Variants in CBR4 observed in about 807,000 individuals in gnomAD.
CBR4 encodes the protein 3-oxoacyl-[acyl-carrier-protein] reductase.
Under a neutral mutation model 21.0 loss-of-function variants are expected in CBR4, and 22 were observed. The ratio of observed to expected loss-of-function variants is 1.05; its 90% CI spans 0.75 to 1.50. CBR4 has a LOEUF of 1.50. Ranked by LOEUF, CBR4 falls within the 40% of genes most tolerant of loss-of-function variation. The pLI is 0.00. For missense variants in CBR4, 302 were observed against 286.3 expected (o/e 1.05, Z -0.40); for synonymous variants, 100 against 104.4 (o/e 0.96, Z 0.26).
chr4:168,900,056 G>C (rs115012634), intron 2 of CBR4, among the ~76,000 whole-genome samples: 28 of 152,320 alleles, frequency 1.8e-4, no homozygotes, highest in African/African-American at 6.7e-4. Context: ...CGAAAAAGGT[G>C]AATCACACAG....
intron 2 of CBR4, chr4:168,898,122 C>T (rs1755646442): frequency 6.8e-6 from 2 of 294,120 alleles, no homozygotes; most frequent in Non-Finnish European, 1.3e-5. Flanking sequence ...CAGCTTTTAC[C>T]CTACAGAAGG....
At chr4:168,921,853 A>C in intron 2 of CBR4, 1 of 876,476 alleles carries the variant, frequency 1.1e-6, no homozygotes, top group South Asian at 1.4e-5. Flanking sequence ...GAAAAAATAG[A>C]TTGTATCATC....
At chr4:168,896,432 G>C in intron 2 of CBR4, 1 of 688,806 alleles carries the variant, frequency 1.5e-6, no homozygotes, top group Admixed American at 2.1e-5. Flanking sequence ...TCACAGCACC[G>C]TTACTACCAA....
At chr4:168,945,879 C>T in intron 2 of CBR4, among the ~76,000 whole-genome samples, 1 of 152,090 alleles carries the variant, frequency 6.6e-6, no homozygotes. Context: ...CGCTAGAAAG[C>T]AGATGGGAGT....
chr4:168,966,388 G>A (rs1301696171), intron 2 of CBR4, among the ~76,000 whole-genome samples: 15 of 150,742 alleles, frequency 1.0e-4, no homozygotes, highest in South Asian at 2.1e-4. Flanking sequence ...AAGGCCAGGC[G>A]TGGTGGCAGA....
At chr4:169,003,929 G>A (rs28870681) in intron 3 of CBR4, among the ~76,000 whole-genome samples, 3,300 of 152,032 alleles carry the variant, frequency 0.022, 104 homozygotes, top group African/African-American at 0.06. Flanking sequence ...GGAACATCAC[G>A]CTCTGGGGAC....
intron 2 of CBR4, among the ~76,000 whole-genome samples, chr4:168,899,955 C>A (rs1469124568): frequency 6.6e-6 from 1 of 151,974 alleles, no homozygotes; most frequent in Non-Finnish European, 1.5e-5. Context: ...GCTTTACTGG[C>A]TCACAGTTCT....
At chr4:168,920,489 G>A (rs879374063) in intron 2 of CBR4, among the ~76,000 whole-genome samples, 8 of 152,176 alleles carry the variant, frequency 5.3e-5, no homozygotes, top group African/African-American at 7.2e-5. Context: ...ATATAACTTC[G>A]TACTAGTAAA....
At chr4:168,966,356 C>CAAAAAAAAAA (rs1215042926) in intron 2 of CBR4, among the ~76,000 whole-genome samples, 249 of 75,048 alleles carry the variant, frequency 3.3e-3, no homozygotes, top group African/African-American at 4.3e-3. Flanking sequence ...ACTAAAAATA[C>CAAAAAAAAAA]AAAAAAAAAA....
chr4:168,943,330 C>G (rs1763313031), intron 2 of CBR4, among the ~76,000 whole-genome samples: 1 of 152,188 alleles, frequency 6.6e-6, no homozygotes, highest in South Asian at 2.1e-4. Flanking sequence ...CAGTACATCA[C>G]TACTACAACT....
At chr4:168,977,531 G>A (rs1054016143) in intron 2 of CBR4, among the ~76,000 whole-genome samples, 21 of 152,030 alleles carry the variant, frequency 1.4e-4, no homozygotes, top group Admixed American at 6.6e-5. Context: ...TCATCTAAAC[G>A]CTCACTCTAA....
intron 2 of CBR4, among the ~76,000 whole-genome samples, chr4:168,941,180 G>A (rs936483426): frequency 1.3e-5 from 2 of 152,124 alleles, no homozygotes; most frequent in African/African-American, 4.8e-5. Flanking sequence ...CCTGTCGGGG[G>A]TGGGGGCCTG....
chr4:168,980,131 T>A (rs1764499224), intron 2 of CBR4, among the ~76,000 whole-genome samples: 1 of 151,896 alleles, frequency 6.6e-6, no homozygotes, highest in Non-Finnish European at 1.5e-5. Flanking sequence ...CCCTCTCTGC[T>A]ACCCCCAAGA....
At chr4:168,932,050 T>A (rs755455484) in intron 2 of CBR4, among the ~76,000 whole-genome samples, 1 of 151,994 alleles carries the variant, frequency 6.6e-6, no homozygotes, top group Non-Finnish European at 1.5e-5. Context: ...CAAGAAACCA[T>A]GATACCTCCA....
chr4:168,949,374 T>C (rs1763477872), intron 2 of CBR4, among the ~76,000 whole-genome samples: 1 of 152,182 alleles, frequency 6.6e-6, no homozygotes, highest in African/African-American at 2.4e-5. Flanking sequence ...TCTTGTCTGA[T>C]TGCTCTGGCT....
chr4:168,980,858 A>G (rs904792873), intron 2 of CBR4, among the ~76,000 whole-genome samples: 10 of 152,218 alleles, frequency 6.6e-5, no homozygotes, highest in African/African-American at 2.4e-4. Flanking sequence ...CACAGATGAG[A>G]AACAGCCAGT....
At chr4:168,993,736 T>C (rs1263231577) in intron 4 of CBR4, among the ~76,000 whole-genome samples, 1 of 152,154 alleles carries the variant, frequency 6.6e-6, no homozygotes, top group Non-Finnish European at 1.5e-5. Flanking sequence ...TAAAAATCGA[T>C]GCATTTTAAC....
rs1764752989 is a variant in CBR4, at chr4:168,988,059, A to G, written c.*2091T>C. The G allele has an allele frequency of 8.1e-6, 8 of 985,086 alleles. No individual in the cohort carries two copies. The highest frequency in any genetic ancestry group is 7.2e-6 in the Non-Finnish European group (6 of 829,700). The allele number at this position is 985,086 out of a possible 1,614,324, so 61.0% of individuals were successfully genotyped here. A position where few individuals can be genotyped will look rare whatever the true frequency, so the allele number is the denominator to read the frequency against. ...GAATTCATTCAATGCTTCTCAGAAT[A>G]GCAGATTTTAAAAAATGAATTCACT... On this transcript the variant is annotated 3_prime_UTR_variant, in exon 5 of 5. Transcript: ENST00000306193.
intron 2 of CBR4, among the ~76,000 whole-genome samples, chr4:168,959,775 G>C (rs1763792866): frequency 6.6e-6 from 1 of 150,870 alleles, no homozygotes; most frequent in African/African-American, 2.4e-5. Context: ...TTGTTGGTCA[G>C]GCTGGTCTCA....
Sources: gnomAD v4.1 joint callset for allele counts (sites outside exome capture counted in the v4.1 genomes callset) on GRCh38, gnomAD v4.1.1 for gene constraint, MANE v1.5 for transcripts, NCBI Gene and HGNC (gene_info 2026-07-23, HGNC 2026-07-21) for gene names.